NCOA3: variants seen among roughly 807,000 people sequenced by gnomAD.
The protein encoded by NCOA3 is CBP-interacting protein.
A neutral mutation model predicts 158.8 loss-of-function variants in NCOA3; 51 were observed. The observed-to-expected ratio is 0.32, with a 90% CI of 0.26 to 0.41. NCOA3 has a LOEUF of 0.41. Ranked by LOEUF, NCOA3 falls within the 10% of genes least tolerant of loss-of-function variation. The pLI is 1.00. For missense variants in NCOA3, 1,510 were observed against 1,746.6 expected, an observed-to-expected ratio of 0.86 and a Z score of 2.41; for synonymous variants, 537 against 592.4, an observed-to-expected ratio of 0.91 and a Z score of 1.36.
intron 1 of NCOA3, among the ~76,000 whole-genome samples, chr20:47,559,060 C>G (rs994122130): frequency 1.3e-5 from 2 of 152,054 alleles, no homozygotes; most frequent in African/African-American, 4.8e-5. Flanking sequence ...CCATAGCATC[C>G]ATAATCCTTC....
intron 10 of NCOA3, among the ~76,000 whole-genome samples, chr20:47,634,857 C>T (rs544379416): frequency 7.3e-5 from 11 of 151,568 alleles, no homozygotes; most frequent in African/African-American, 2.7e-4. Flanking sequence ...GTAGTTAATT[C>T]ATCCCATTTT....
At chr20:47,588,789 A>C (rs2085578495) in intron 2 of NCOA3, among the ~76,000 whole-genome samples, 1 of 151,970 alleles carries the variant, frequency 6.6e-6, no homozygotes, top group Non-Finnish European at 1.5e-5. Context: ...TTTTTTTCCT[A>C]CTTAACTGAT....
intron 1 of NCOA3, among the ~76,000 whole-genome samples, chr20:47,541,225 G>C (rs1466891832): frequency 6.6e-6 from 1 of 151,674 alleles, no homozygotes; most frequent in Admixed American, 6.6e-5. Context: ...AGTCATTGCC[G>C]AGGTCACTTT....
chr20:47,537,833 C>G (rs756403307), intron 1 of NCOA3, among the ~76,000 whole-genome samples: 1 of 151,964 alleles, frequency 6.6e-6, no homozygotes. Flanking sequence ...CTGCCCGCCT[C>G]GGCCTCCCAA....
chr20:47,590,732 C>T (rs534721506), intron 2 of NCOA3, among the ~76,000 whole-genome samples: 5 of 151,788 alleles, frequency 3.3e-5, no homozygotes, highest in East Asian at 1.9e-4. Context: ...GATCGCTTGA[C>T]GCTGGGAGGC....
chr20:47,586,625 C>T (rs891111965), intron 2 of NCOA3, among the ~76,000 whole-genome samples: 3 of 152,288 alleles, frequency 2.0e-5, no homozygotes, highest in African/African-American at 7.2e-5. Context: ...AGTCTGGGGT[C>T]AGGTTCTGCA....
chr20:47,647,243 G>A lies in NCOA3; in HGVS notation c.3423G>A (p.Gln1141=). 6.2e-7 allele frequency: 1 copy of A among 1,614,174 alleles called. No homozygotes were observed. The change falls in exon 18 of 23, where the codon CAG becomes CAA. Residue 1141 remains glutamine (Q), a synonymous_variant. Transcript: ENST00000371998. The part of the protein sequence containing the change: ...QSPSFNSMMN[Q]MNQQGNFPLQ... ...CATCTTTTAACTCTATGATGAATCAGATGAACCAGCAAGGCAATTTTCCTC... is the reference window on the plus strand; with the variant it reads ...CATCTTTTAACTCTATGATGAATCAAATGAACCAGCAAGGCAATTTTCCTC...
At chr20:47,646,170 C>T (rs2086682784) in intron 17 of NCOA3, among the ~76,000 whole-genome samples, 1 of 152,170 alleles carries the variant, frequency 6.6e-6, no homozygotes, top group Non-Finnish European at 1.5e-5. Context: ...TTTAAATCAG[C>T]TCTACATTAC....
At position 47,501,921 on chromosome 20, in the gene NCOA3, C is replaced by A; in HGVS notation, c.-197C>A. The A allele has an allele frequency of 2.5e-6, 1 of 400,450 alleles. No homozygotes were observed. The highest frequency in any genetic ancestry group is 4.4e-6 in the Non-Finnish European group (1 of 227,374). 24.8% of individuals were successfully genotyped at this position (400,450 alleles called of 1,614,324 possible). ...TGTCTCAGCCGCTCCACAGCGACGG[C>A]AGCGGCTGCGGCTTAGTCGGTGGCG... On this transcript the variant is annotated 5_prime_UTR_variant, in exon 1 of 23. Transcript: ENST00000371998.
intron 2 of NCOA3, among the ~76,000 whole-genome samples, chr20:47,617,309 C>T (rs1025533191): frequency 6.6e-6 from 1 of 152,268 alleles, no homozygotes; most frequent in Admixed American, 6.5e-5. Context: ...ATATTATTTG[C>T]CCTTTGAAGA....
At chr20:47,502,377 C>T (rs1537305) in intron 1 of NCOA3, among the ~76,000 whole-genome samples, 128,519 of 152,042 alleles carry the variant, frequency 0.85, 55,350 homozygotes, top group East Asian at 0.91. Context: ...CTTGCCTCCC[C>T]CAGCCCTTTT....
chr20:47,614,746 A>G (rs1020614217), intron 2 of NCOA3, among the ~76,000 whole-genome samples: 3 of 152,124 alleles, frequency 2.0e-5, no homozygotes, highest in Non-Finnish European at 4.4e-5. Flanking sequence ...AGTAAGGGTT[A>G]TGGGTAATAT....
chr20:47,506,803 ATATGT>A (rs1372959437), intron 1 of NCOA3, among the ~76,000 whole-genome samples: 1 of 151,686 alleles, frequency 6.6e-6, no homozygotes, highest in Non-Finnish European at 1.5e-5. Context: ...TTTTTTATTG[ATATGT>A]TCTAGGAAAG....
intron 2 of NCOA3, among the ~76,000 whole-genome samples, chr20:47,596,356 C>G (rs574455094): frequency 6.6e-6 from 1 of 152,074 alleles, no homozygotes; most frequent in South Asian, 2.1e-4. Flanking sequence ...TTTTACCATC[C>G]CTGTATTGTA....
chr20:47,524,596 A>G (rs1290185899), intron 1 of NCOA3, among the ~76,000 whole-genome samples: 1 of 152,186 alleles, frequency 6.6e-6, no homozygotes, highest in Non-Finnish European at 1.5e-5. Context: ...TTTAATAGAT[A>G]AGAAGTGAAG....
chr20:47,549,138 A>G (rs1488232940), intron 1 of NCOA3, among the ~76,000 whole-genome samples: 1 of 152,054 alleles, frequency 6.6e-6, no homozygotes, highest in Non-Finnish European at 1.5e-5. Context: ...TCAGCCTCCA[A>G]AAGTGTTAGA....
At chr20:47,515,479 T>C (rs899930584) in intron 1 of NCOA3, among the ~76,000 whole-genome samples, 5 of 150,480 alleles carry the variant, frequency 3.3e-5, no homozygotes, top group Admixed American at 1.3e-4. Context: ...TTTCTTTTTT[T>C]TTTTTTTTTT....
At position 47,511,550 on chromosome 20, in the gene NCOA3, T is replaced by TATATATATATATATATATAC; in HGVS notation, c.-99+9537_-99+9538insATATATATATATACATATAT. On this transcript the variant is annotated intron_variant, in intron 1 of 22. Transcript: ENST00000371998. ...ATATATATATATATATATATATATA[T>TATATATATATATATATATAC]ATATATTTCTTTTTTTTTTTGAGAC... 4.8e-3 allele frequency among the ~76,000 whole-genome samples: 251 copies of TATATATATATATATATATAC among 52,226 alleles called. 17 individuals carry two copies. Among genetic ancestry groups the TATATATATATATATATATAC allele is most frequent in the Middle Eastern group, 0.01 (1 of 96 alleles). The allele number at this position is 52,226 out of a possible 152,430, so 34.3% of individuals were successfully genotyped here.
chr20:47,550,269 ACC>A (rs1331601580), intron 1 of NCOA3, among the ~76,000 whole-genome samples: 1 of 151,376 alleles, frequency 6.6e-6, no homozygotes, highest in African/African-American at 2.4e-5. Context: ...ACATGGAGAA[ACC>A]CCATCTCTAC....
Sources: allele counts gnomAD v4.1 joint callset (sites outside exome capture counted in the v4.1 genomes callset), GRCh38; gene constraint gnomAD v4.1.1; transcripts MANE v1.5; gene names NCBI Gene and HGNC (gene_info 2026-07-23, HGNC 2026-07-21).